Variants in PPP1R8 observed in about 807,000 individuals in gnomAD.
PPP1R8 encodes the protein nuclear inhibitor of protein phosphatase 1.
A neutral mutation model predicts 31.3 loss-of-function variants in PPP1R8; 4 were observed. The observed-to-expected ratio is 0.13, with a 90% CI of 0.06 to 0.29. The LOEUF (loss-of-function observed/expected upper bound fraction) is 0.29, where lower values mean the gene tolerates loss of function less well. Ranked by LOEUF, PPP1R8 falls within the 10% of genes least tolerant of loss-of-function variation. The pLI is 1.00. For missense variants in PPP1R8, 254 were observed against 440.1 expected, an observed-to-expected ratio of 0.58 and a Z score of 3.78; for synonymous variants, 170 against 169.7, an observed-to-expected ratio of 1.00 and a Z score of -0.01.
chr1:27,841,377 G>T lies in PPP1R8; in HGVS notation c.492+143G>T, dbSNP rs949148875. The T allele has an allele frequency of 5.0e-6, 4 of 803,844 alleles. 1 individual carries two copies. The highest frequency in any genetic ancestry group is 3.7e-4 in the Middle Eastern group (1 of 2,676). The allele number at this position is 803,844 out of a possible 1,614,324, so 49.8% of individuals were successfully genotyped here. On this transcript the variant is annotated intron_variant, in intron 4 of 6. Coordinates refer to ENST00000311772, the MANE Select transcript of PPP1R8 (RefSeq NM_014110.5). Reference sequence around the variant, plus strand: ...AGTAATGGGCCTTTGGCAATCTGGTGTGGCCAGCTGTGACAGCTCTCGGAG... The same window carrying T: ...AGTAATGGGCCTTTGGCAATCTGGTTTGGCCAGCTGTGACAGCTCTCGGAG...
chr1:27,844,442 C>T (rs542803706), intron 5 of PPP1R8, among the ~76,000 whole-genome samples: 21 of 151,968 alleles, frequency 1.4e-4, no homozygotes, highest in African/African-American at 4.6e-4. Context: ...ATTCTCCTGC[C>T]TCAGCCTCCC....
rs1246650058 is a variant in PPP1R8 at position 27,847,454 on chromosome 1, C to T, written c.702+362C>T. Among the ~76,000 whole-genome samples, 3 of 150,542 alleles carry T rather than the reference C, an allele frequency of 2.0e-5. No homozygotes were observed. The East Asian group carries it at 5.8e-4, about 29-fold the overall frequency. ...CCTGGGAGGCGGAGGTTGCAGTGAG[C>T]TGAGGTCGCACCATTGCACTCCAGC... On this transcript the variant is annotated intron_variant, in intron 6 of 6. Transcript: ENST00000311772.
intron 2 of PPP1R8, among the ~76,000 whole-genome samples, chr1:27,836,269 G>A (rs190515226): frequency 1.2e-4 from 19 of 152,336 alleles, no homozygotes; most frequent in Admixed American, 1.3e-4. Context: ...TAGACCACTA[G>A]CACTGGAAGA....
At chr1:27,841,342 T>A in intron 4 of PPP1R8, 108 bp downstream of exon 4, 2 of 1,188,476 alleles carry the variant, frequency 1.7e-6, no homozygotes, top group Non-Finnish European at 1.2e-6. Flanking sequence ...CAGGGGGTTC[T>A]CTTGAGTCCA....
chr1:27,846,678 G>A (rs2089284306), intron 5 of PPP1R8, among the ~76,000 whole-genome samples: 1 of 152,210 alleles, frequency 6.6e-6, no homozygotes, highest in African/African-American at 2.4e-5. Flanking sequence ...TACAGAATGG[G>A]AAAGAACTTG....
At position 27,850,602 on chromosome 1, in the gene PPP1R8, G is replaced by A. The variant is rs1557434232; in HGVS notation, c.*156G>A. The stretch of plus-strand genomic sequence containing the variant: ...ACCATGTAATATGACAATTGGGGGT[G>A]GGGTTGAAATAGCCCATAAAGACCT... On this transcript the variant is annotated 3_prime_UTR_variant, in exon 7 of 7. Transcript: ENST00000311772. The A allele has an allele frequency of 2.9e-6, 2 of 697,672 alleles. No homozygotes were observed. Among genetic ancestry groups the A allele is most frequent in the East Asian group, 2.7e-5 (1 of 36,614 alleles). 43.2% of individuals were successfully genotyped at this position (697,672 alleles called of 1,614,324 possible).
At chr1:27,831,047 T>C (rs2089097478) in intron 1 of PPP1R8, 156 bp downstream of exon 1, 1 of 1,392,918 alleles carries the variant, frequency 7.2e-7, no homozygotes, top group African/African-American at 1.5e-5. Flanking sequence ...CCGGGCGACG[T>C]GTTGAAGAAC....
chr1:27,843,432 G>A, intron 5 of PPP1R8, 102 bp downstream of exon 5: 1 of 1,432,208 alleles, frequency 7.0e-7, no homozygotes, highest in East Asian at 2.3e-5. Context: ...CGAGGAGGGT[G>A]GATCACTTAA....
Position 27,843,302 on chromosome 1 carries a change from C to G in PPP1R8, c.609C>G (p.Phe203Leu). Residue 203 changes from phenylalanine to leucine, a missense_variant, in exon 5 of 7, where the codon TTC becomes TTG. By Grantham distance (22) the Phe-to-Leu change is conservative (BLOSUM62 0). This residue lies in a region of PPP1R8 where 29 missense variants were observed against 99.2 expected (regional missense o/e 0.29). Coordinates refer to ENST00000311772, the MANE Select transcript of PPP1R8 (RefSeq NM_014110.5). Reference protein sequence around the residue: ...KRKRKNSRVTFSEDDEIINPE... With the variant: ...KRKRKNSRVTLSEDDEIINPE... ...AGAGGAAGAACTCACGGGTGACATT[C>G]AGTGAGGATGATGAGATCATCAACC... 1 of 1,614,186 alleles carries G rather than the reference C, an allele frequency of 6.2e-7. No homozygotes were observed. Among genetic ancestry groups the G allele is most frequent in the Non-Finnish European group, 8.5e-7 (1 of 1,180,020 alleles).
Position 27,850,686 on chromosome 1 carries a change from C to G in PPP1R8, c.*240C>G, listed in dbSNP as rs559466600. 2.5e-4 allele frequency: 113 copies of G among 456,660 alleles called. No individual in the cohort carries two copies. Among genetic ancestry groups the G allele is most frequent in the African/African-American group, 1.9e-3 (97 of 51,844 alleles). The allele number at this position is 456,660 out of a possible 1,614,324, so 28.3% of individuals were successfully genotyped here. On this transcript the variant is annotated 3_prime_UTR_variant, in exon 7 of 7. Coordinates refer to ENST00000311772, the MANE Select transcript of PPP1R8 (RefSeq NM_014110.5). The stretch of plus-strand genomic sequence containing the variant: ...TCTTATATCCTTTTCAATAGACTGC[C>G]CTGGCTCTTTCCTAGGCCTTCCACT...
chr1:27,844,670 A>G (rs1276058512), intron 5 of PPP1R8, among the ~76,000 whole-genome samples: 1 of 145,700 alleles, frequency 6.9e-6, no homozygotes, highest in Non-Finnish European at 1.5e-5. Context: ...TACAACAGCC[A>G]GCAATTTGGG....
intron 5 of PPP1R8, among the ~76,000 whole-genome samples, chr1:27,846,816 T>G (rs148808273): frequency 9.2e-4 from 140 of 152,328 alleles, no homozygotes; most frequent in African/African-American, 3.2e-3. Context: ...AAGCCTCAGT[T>G]TGCTTTCTCA....
intron 2 of PPP1R8, among the ~76,000 whole-genome samples, chr1:27,838,210 CAAA>C (rs10719467): frequency 5.7e-5 from 4 of 69,934 alleles, no homozygotes; most frequent in African/African-American, 1.7e-4. Context: ...GACTCCATCT[CAAA>C]AAAAAAAAAA....
chr1:27,836,488 C>T (rs1338418973), intron 2 of PPP1R8, among the ~76,000 whole-genome samples: 1 of 152,162 alleles, frequency 6.6e-6, no homozygotes, highest in Non-Finnish European at 1.5e-5. Flanking sequence ...GATCTCGGCT[C>T]ACTGCAAGCT....
intron 1 of PPP1R8, chr1:27,831,403 A>G: frequency 4.1e-6 from 4 of 970,956 alleles, no homozygotes; most frequent in Non-Finnish European, 4.9e-6. Flanking sequence ...GGGAGCTCCC[A>G]GTCTGTGGCA....
Position 27,850,522 on chromosome 1 carries a change from A to T in PPP1R8, c.*76A>T. On this transcript the variant is annotated 3_prime_UTR_variant, in exon 7 of 7. Transcript: ENST00000311772. ...GTGATGGGGAGCTAATGAACTAGGG[A>T]GAAAAACTTTCCATGTGTGCGGTAT... 2.3e-6 allele frequency: 3 copies of T among 1,324,288 alleles called. No homozygotes were observed. In the Admixed American group the frequency reaches 7.4e-5, roughly 33 times the overall value. 82.0% of individuals were successfully genotyped at this position (1,324,288 alleles called of 1,614,324 possible).
At chr1:27,844,969 G>A (rs1233680904) in intron 5 of PPP1R8, among the ~76,000 whole-genome samples, 10 of 126,228 alleles carry the variant, frequency 7.9e-5, no homozygotes, top group African/African-American at 1.5e-4. Flanking sequence ...TCCTGACCTC[G>A]TGATCCGCCC....
At chr1:27,840,784 CATG>C (rs2089215112) in intron 3 of PPP1R8, among the ~76,000 whole-genome samples, 1 of 152,086 alleles carries the variant, frequency 6.6e-6, no homozygotes, top group African/African-American at 2.4e-5. Flanking sequence ...CACTGTAACA[CATG>C]ATGGATGTGG....
intron 4 of PPP1R8, among the ~76,000 whole-genome samples, chr1:27,842,969 A>G (rs1162443533): frequency 2.6e-5 from 4 of 152,174 alleles, no homozygotes; most frequent in African/African-American, 7.2e-5. Context: ...CCACTAGTCA[A>G]TGAGGATGTT....
Sources: gnomAD v4.1 joint callset for allele counts (sites outside exome capture counted in the v4.1 genomes callset) on GRCh38, gnomAD v4.1.1 for gene constraint, gnomAD v4.1.1 regional missense constraint, MANE v1.5 for transcripts, NCBI Gene and HGNC (gene_info 2026-07-23, HGNC 2026-07-21) for gene names.